Variants in SLC43A2 observed in about 807,000 individuals in gnomAD.
The protein encoded by SLC43A2 is large neutral amino acids transporter small subunit 4.
SLC43A2 carries 38 observed loss-of-function variants against 63.2 expected under a neutral mutation model. The observed-to-expected ratio is 0.60, with a 90% CI of 0.46 to 0.79. SLC43A2 has a LOEUF of 0.79. Among genes scored for constraint, SLC43A2 ranks in the 30% least tolerant of loss-of-function variants. SLC43A2 has a pLI of 0.00. For missense variants in SLC43A2, 644 were observed against 756.2 expected, an observed-to-expected ratio of 0.85 and a Z score of 1.74; for synonymous variants, 322 against 331.0, an observed-to-expected ratio of 0.97 and a Z score of 0.30.
At position 1,569,893 on chromosome 17, in the gene SLC43A2, T is replaced by A. The variant is rs1471321785; in HGVS notation, c.*5711A>T. 4.2e-5 allele frequency: 6 copies of A among 143,488 alleles called. No homozygotes were observed. Among genetic ancestry groups the A allele is most frequent in the Non-Finnish European group, 4.6e-5 (3 of 65,384 alleles). The allele number at this position is 143,488 out of a possible 1,614,324, so 8.9% of individuals were successfully genotyped here. A position where few individuals can be genotyped will look rare whatever the true frequency, so the allele number is the denominator to read the frequency against. ...ATACAGACCTTACTTTTTTTTTTTT[T>A]TTTTTTTTTTTTGAGACGGAGTCTT... On this transcript the variant is annotated 3_prime_UTR_variant, in exon 14 of 14. Transcript: ENST00000301335.
chr17:1,616,397 C>T, intron 3 of SLC43A2, 165 bp downstream of exon 3: 2 of 677,098 alleles, frequency 3.0e-6, no homozygotes, highest in Non-Finnish European at 4.9e-6. Flanking sequence ...GACCACAGTA[C>T]CTGCTGATTC....
At chr17:1,580,198 G>A (rs576067069) in intron 11 of SLC43A2, among the ~76,000 whole-genome samples, 52 of 152,304 alleles carry the variant, frequency 3.4e-4, no homozygotes, top group Non-Finnish European at 6.3e-4. Flanking sequence ...GATTACAGGC[G>A]TGAGCCACCG....
rs1485012820 is a variant in SLC43A2 at position 1,572,957 on chromosome 17, C to T, written c.*2647G>A. 2 of 152,028 alleles carry T rather than the reference C, an allele frequency of 1.3e-5. No individual in the cohort carries two copies. The highest frequency in any genetic ancestry group is 2.9e-5 in the Non-Finnish European group (2 of 68,002). The allele number at this position is 152,028 out of a possible 1,614,324, so 9.4% of individuals were successfully genotyped here. On this transcript the variant is annotated 3_prime_UTR_variant, in exon 14 of 14. Coordinates refer to ENST00000301335, the MANE Select transcript of SLC43A2 (RefSeq NM_152346.3). ...GGAGGCTGAGGTGGGAGAATTGCTT[C>T]AGCCCAGGAGTTCCAGACCAGCCTG... is the stretch of plus-strand genomic sequence containing the variant.
At chr17:1,600,152 A>ATATATATATATATATATATTTT (rs1216616243) in intron 5 of SLC43A2, among the ~76,000 whole-genome samples, 1 of 60,280 alleles carries the variant, frequency 1.7e-5, no homozygotes, top group African/African-American at 5.4e-5. Context: ...ATATATATAT[A>ATATATATATATATATATATTTT]TTTTTTTTTT....
In SLC43A2 at chr17:1,585,729, A is replaced by G. The variant is rs754219930; in HGVS notation, c.1217+184T>C. ...CCATTGCATTCCAAACAATTTCCAT[A>G]AAGAGGGGAGCAGTTGAAACGCATG... On this transcript the variant is annotated intron_variant, in intron 10 of 13. Coordinates refer to ENST00000301335, the MANE Select transcript of SLC43A2 (RefSeq NM_152346.3). 7.1e-6 allele frequency: 11 copies of G among 1,549,266 alleles called. No homozygotes were observed. In the African/African-American group the frequency reaches 1.1e-4, roughly 15 times the overall value.
intron 2 of SLC43A2, among the ~76,000 whole-genome samples, chr17:1,617,171 G>A (rs968372483): frequency 1.3e-4 from 20 of 152,192 alleles, no homozygotes; most frequent in African/African-American, 4.8e-4. Flanking sequence ...TGGGGCCCCA[G>A]GCTGGTGAGA....
Position 1,575,427 on chromosome 17 carries a change from C to T in SLC43A2, c.*177G>A, listed in dbSNP as rs2075907907. ...TTCGGCAGGAGAAAACGCGCGTGTCCGGGGCCCTCTCCCGTCCTTCCACCA... is the reference window on the plus strand; with the variant it reads ...TTCGGCAGGAGAAAACGCGCGTGTCTGGGGCCCTCTCCCGTCCTTCCACCA... On this transcript the variant is annotated 3_prime_UTR_variant, in exon 14 of 14. Coordinates refer to ENST00000301335, the MANE Select transcript of SLC43A2 (RefSeq NM_152346.3). The T allele has an allele frequency of 7.5e-6, 6 of 800,392 alleles. No homozygotes were observed. The highest frequency in any genetic ancestry group is 1.2e-5 in the Non-Finnish European group (6 of 509,934). The allele number at this position is 800,392 out of a possible 1,614,324, so 49.6% of individuals were successfully genotyped here. A position where few individuals can be genotyped will look rare whatever the true frequency, so the allele number is the denominator to read the frequency against.
intron 5 of SLC43A2, among the ~76,000 whole-genome samples, chr17:1,607,225 G>A (rs1292049742): frequency 1.3e-5 from 2 of 152,170 alleles, no homozygotes; most frequent in Admixed American, 6.5e-5. Flanking sequence ...TCCTAAAGGC[G>A]ACCCTGGAGA....
intron 5 of SLC43A2, among the ~76,000 whole-genome samples, chr17:1,601,476 C>T (rs1906012198): frequency 6.6e-6 from 1 of 152,104 alleles, no homozygotes; most frequent in Non-Finnish European, 1.5e-5. Context: ...CCGCTGGAAA[C>T]AACCAGTGCT....
intron 5 of SLC43A2, among the ~76,000 whole-genome samples, chr17:1,612,920 C>T (rs569881204): frequency 3.4e-4 from 51 of 151,936 alleles, no homozygotes; most frequent in African/African-American, 1.2e-3. Flanking sequence ...TGCAGTGAGC[C>T]GAGATCCCCC....
intron 2 of SLC43A2, among the ~76,000 whole-genome samples, chr17:1,623,178 A>G (rs1434988799): frequency 1.3e-5 from 2 of 152,156 alleles, no homozygotes; most frequent in Non-Finnish European, 2.9e-5. Flanking sequence ...CTGCAGCTTC[A>G]CTCAGCCCGT....
intron 4 of SLC43A2, 50 bp downstream of exon 4, chr17:1,614,929 G>C (rs1175906016): frequency 5.0e-6 from 8 of 1,595,956 alleles, no homozygotes; most frequent in Non-Finnish European, 6.9e-6. Flanking sequence ...AGCAGCTCAG[G>C]GCACTCTCTC....
chr17:1,585,413 T>A (rs1354659170), intron 10 of SLC43A2: 1 of 325,286 alleles, frequency 3.1e-6, no homozygotes, highest in Non-Finnish European at 5.3e-6. Flanking sequence ...CCTGGCTAAT[T>A]TTTTGTATTT....
chr17:1,610,066 T>G (rs1314362033), intron 5 of SLC43A2, among the ~76,000 whole-genome samples: 2 of 151,986 alleles, frequency 1.3e-5, no homozygotes, highest in African/African-American at 4.8e-5. Flanking sequence ...TGTGCCACCA[T>G]GCCCGAGTAA....
At position 1,593,316 on chromosome 17, in the gene SLC43A2, G is replaced by C; in HGVS notation, c.502-37C>G. The C allele has an allele frequency of 1.9e-6, 3 of 1,586,844 alleles. No individual in the cohort carries two copies. In the South Asian group the frequency reaches 3.4e-5, roughly 18 times the overall value. ...GAAGCAGAGAAACCTCAGTGGGGAG[G>C]ATGCACCAGGGAAGGGGAGGAGGAG... On this transcript the variant is annotated intron_variant, in intron 5 of 13. Transcript: ENST00000301335. The surrounding 1 kb of genome is among the most constrained non-coding windows in gnomAD (Gnocchi z 5.3).
chr17:1,611,086 C>G (rs1008482448), intron 5 of SLC43A2, among the ~76,000 whole-genome samples: 2 of 152,076 alleles, frequency 1.3e-5, no homozygotes, highest in African/African-American at 4.8e-5. Context: ...CATGATCCAC[C>G]ACCCCCATCG....
At chr17:1,618,758 G>A (rs1042246103) in intron 2 of SLC43A2, among the ~76,000 whole-genome samples, 6 of 152,244 alleles carry the variant, frequency 3.9e-5, no homozygotes, top group African/African-American at 1.4e-4. Context: ...GCAGAGGCGG[G>A]TGGATCGCCC....
At chr17:1,594,137 A>G (rs769791653) in intron 5 of SLC43A2, among the ~76,000 whole-genome samples, 3 of 152,040 alleles carry the variant, frequency 2.0e-5, no homozygotes, top group Non-Finnish European at 4.4e-5. Flanking sequence ...CTGCTTCTGA[A>G]TTTCTCAGTA....
In SLC43A2 at chr17:1,592,335, G is replaced by C. The variant is rs554515296; in HGVS notation, c.595-636C>G. On this transcript the variant is annotated intron_variant, in intron 6 of 13. Transcript: ENST00000301335. ...CTAGCTCCTTGGGAGGCTGAGGCAG[G>C]AGAATCACTTGAACCTGGGAGGTGG... Among the ~76,000 whole-genome samples the C allele has an allele frequency of 2.0e-5, 3 of 152,338 alleles. No homozygotes were observed. In the East Asian group the frequency reaches 5.8e-4, roughly 29 times the overall value.
Sources: gnomAD v4.1 joint callset for allele counts (sites outside exome capture counted in the v4.1 genomes callset) on GRCh38, gnomAD v4.1.1 for gene constraint, Gnocchi (gnomAD v3.1) non-coding constraint, MANE v1.5 for transcripts, NCBI Gene and HGNC (gene_info 2026-07-23, HGNC 2026-07-21) for gene names.